Variants in CCDC91 observed in about 807,000 individuals in gnomAD.
CCDC91 encodes the protein coiled-coil domain containing 91.
In CCDC91, 48 loss-of-function variants were observed where a neutral mutation model predicts 63.2. The observed-to-expected ratio is 0.76, with a 90% CI of 0.60 to 0.97. CCDC91 has a LOEUF of 0.97. CCDC91 is among the 50% of genes least tolerant of loss of function. The pLI is 0.00. For missense variants in CCDC91, 500 were observed against 494.6 expected, an observed-to-expected ratio of 1.01 and a Z score of -0.10; for synonymous variants, 167 against 165.8, an observed-to-expected ratio of 1.01 and a Z score of -0.06.
intron 12 of CCDC91, among the ~76,000 whole-genome samples, chr12:28,544,774 CAT>C (rs1193055971): frequency 6.6e-6 from 1 of 152,026 alleles, no homozygotes; most frequent in African/African-American, 2.4e-5. Flanking sequence ...AATTCACCAT[CAT>C]ATTGCATTTT....
chr12:28,522,616 C>T (rs182702508), intron 12 of CCDC91, among the ~76,000 whole-genome samples: 1 of 152,202 alleles, frequency 6.6e-6, no homozygotes, highest in African/African-American at 2.4e-5. Flanking sequence ...CTTTTGCTAG[C>T]TTTTGTATCT....
chr12:28,213,168 C>T (rs1943346843), intron 1 of CCDC91, among the ~76,000 whole-genome samples: 1 of 152,190 alleles, frequency 6.6e-6, no homozygotes, highest in South Asian at 2.1e-4. Context: ...CCTCCTTTCC[C>T]CCCAGGGGAA....
At chr12:28,512,282 CT>C (rs2141291978) in intron 12 of CCDC91, among the ~76,000 whole-genome samples, 1 of 151,860 alleles carries the variant, frequency 6.6e-6, no homozygotes, top group Non-Finnish European at 1.5e-5. Flanking sequence ...TTTTTTTCCC[CT>C]TTTCCCAAGG....
intron 1 of CCDC91, chr12:28,236,659 G>A (rs1944969251): frequency 6.6e-6 from 1 of 151,968 alleles, no homozygotes; most frequent in South Asian, 2.1e-4. Flanking sequence ...TTAGTCGCTA[G>A]ACTATGTTTG....
chr12:28,237,243 C>CACACACACAT (rs1482173107), intron 1 of CCDC91, among the ~76,000 whole-genome samples: 12 of 150,794 alleles, frequency 8.0e-5, no homozygotes, highest in Non-Finnish European at 1.3e-4. Flanking sequence ...CATACACACA[C>CACACACACAT]ACACACACAC....
intron 1 of CCDC91, among the ~76,000 whole-genome samples, chr12:28,194,770 C>T (rs552158893): frequency 3.3e-5 from 5 of 151,072 alleles, no homozygotes; most frequent in South Asian, 2.1e-4. Flanking sequence ...TTTGTGGTCT[C>T]GCTGGCCTCA....
intron 7 of CCDC91, among the ~76,000 whole-genome samples, chr12:28,390,276 A>G (rs890398674): frequency 6.6e-6 from 1 of 152,050 alleles, no homozygotes; most frequent in African/African-American, 2.4e-5. Context: ...TGTATTCATA[A>G]CAGAGATTAA....
chr12:28,236,656 C>G (rs1346173480), intron 1 of CCDC91: 1 of 151,898 alleles, frequency 6.6e-6, no homozygotes, highest in Non-Finnish European at 1.5e-5. Context: ...TTTTTAGTCG[C>G]TAGACTATGT....
In CCDC91 at chr12:28,379,452, C is replaced by CAAA. The variant is rs199790729; in HGVS notation, c.655-11837_655-11835dup. Among the ~76,000 whole-genome samples the CAAA allele has an allele frequency of 4.6e-3, 218 of 47,338 alleles. 1 individual carries two copies. Among genetic ancestry groups the CAAA allele is most frequent in the African/African-American group, 0.014 (204 of 14,556 alleles). 31.1% of individuals were successfully genotyped at this position (47,338 alleles called of 152,430 possible). Reference sequence around the variant, plus strand: ...TCTACAAAGAACTCAAACAAATTTACAAAAAAAAAAAAAAAAACCATAACC... The same window carrying CAAA: ...TCTACAAAGAACTCAAACAAATTTACAAAAAAAAAAAAAAAAAAAACCATAACC... On this transcript the variant is annotated intron_variant, in intron 7 of 12. Transcript: ENST00000536442.
At chr12:28,447,205 A>G (rs1196446974) in intron 8 of CCDC91, among the ~76,000 whole-genome samples, 5 of 152,194 alleles carry the variant, frequency 3.3e-5, no homozygotes, top group African/African-American at 1.2e-4. Flanking sequence ...ATTGGGAACA[A>G]CATAAAAGTC....
chr12:28,401,941 C>T (rs1946647198), intron 8 of CCDC91, among the ~76,000 whole-genome samples: 1 of 152,160 alleles, frequency 6.6e-6, no homozygotes, highest in Non-Finnish European at 1.5e-5. Context: ...CAACGTTCTT[C>T]TCTCTGCCAG....
chr12:28,237,273 A>T lies in CCDC91; in HGVS notation c.-14-19929A>T, dbSNP rs191711554. On this transcript the variant is annotated intron_variant, in intron 1 of 12. Coordinates refer to ENST00000536442, the MANE Select transcript of CCDC91 (RefSeq NM_018318.5). ...ACACACACACACACACACATTTTTT[A>T]AAAAAAGTTGTTGTAGGCAGAATAA... Among the ~76,000 whole-genome samples the T allele has an allele frequency of 1.2e-3, 38 of 31,916 alleles. No homozygotes were observed. In the East Asian group the frequency reaches 0.079, roughly 66 times the overall value. The allele number at this position is 31,916 out of a possible 152,430, so 20.9% of individuals were successfully genotyped here.
At chr12:28,339,558 TA>T (rs1248991581) in intron 6 of CCDC91, among the ~76,000 whole-genome samples, 2 of 151,536 alleles carry the variant, frequency 1.3e-5, no homozygotes, top group Non-Finnish European at 2.9e-5. Flanking sequence ...ATAATATAGA[TA>T]AAAAATACAA....
intron 3 of CCDC91, among the ~76,000 whole-genome samples, chr12:28,295,812 T>C (rs1949529484): frequency 6.6e-6 from 1 of 152,080 alleles, no homozygotes; most frequent in African/African-American, 2.4e-5. Flanking sequence ...CATTTTAAAA[T>C]GATGTGTTCG....
chr12:28,483,789 G>A (rs1918418), intron 11 of CCDC91, among the ~76,000 whole-genome samples: 31,724 of 152,044 alleles, frequency 0.21, 4,341 homozygotes, highest in Non-Finnish European at 0.31. Flanking sequence ...AAGGTTGGTA[G>A]GGAAGCCATT....
intron 1 of CCDC91, among the ~76,000 whole-genome samples, chr12:28,195,650 T>G (rs1448741712): frequency 2.0e-5 from 3 of 152,190 alleles, no homozygotes; most frequent in Non-Finnish European, 4.4e-5. Flanking sequence ...TTGCCAAAAA[T>G]TTTTGAGTAT....
At chr12:28,344,067 A>G (rs115357091) in intron 6 of CCDC91, among the ~76,000 whole-genome samples, 224 of 152,208 alleles carry the variant, frequency 1.5e-3, no homozygotes, top group African/African-American at 4.1e-3. Context: ...TTATTTTGGA[A>G]CCAATAGATA....
intron 8 of CCDC91, among the ~76,000 whole-genome samples, chr12:28,399,344 G>A (rs777555622): frequency 2.0e-5 from 3 of 152,150 alleles, no homozygotes; most frequent in Non-Finnish European, 4.4e-5. Context: ...AACAGCATGA[G>A]GGTAACTGCC....
At chr12:28,274,485 C>G (rs1229856389) in intron 3 of CCDC91, among the ~76,000 whole-genome samples, 1 of 152,038 alleles carries the variant, frequency 6.6e-6, no homozygotes, top group African/African-American at 2.4e-5. Context: ...ATGGAATGTT[C>G]TTCCATTTGT....
Sources: allele counts gnomAD v4.1 joint callset (sites outside exome capture counted in the v4.1 genomes callset), GRCh38; gene constraint gnomAD v4.1.1; transcripts MANE v1.5; gene names NCBI Gene and HGNC (gene_info 2026-07-23, HGNC 2026-07-21).